Variants in THBS2 observed in about 807,000 individuals in gnomAD.
The protein encoded by THBS2 is thrombospondin 2, also known as thrombospondin-2.
A neutral mutation model predicts 135.2 loss-of-function variants in THBS2; 47 were observed. That is an observed-to-expected ratio of 0.35 (90% CI 0.28 to 0.44). The LOEUF (loss-of-function observed/expected upper bound fraction) is 0.44, where lower values mean the gene tolerates loss of function less well. Among genes scored for constraint, THBS2 ranks in the 20% least tolerant of loss-of-function variants. The pLI is 1.00. For synonymous variants in THBS2, 639 were observed against 633.8 expected (o/e 1.01, Z -0.12); for missense variants, 1,288 against 1,603.1 (o/e 0.80, Z 3.36).
chr6:169,225,005 C>A, intron 17 of THBS2, 140 bp downstream of exon 17: 1 of 799,032 alleles, frequency 1.3e-6, no homozygotes, highest in Non-Finnish European at 2.1e-6. Flanking sequence ...TTGCATGGAC[C>A]CACAGCTTTA....
At position 169,239,678 on chromosome 6, in the gene THBS2, G is replaced by A. The variant is rs1045718065; in HGVS notation, c.1050C>T (p.Cys350=). 1.2e-5 allele frequency: 19 copies of A among 1,599,946 alleles called. No individual in the cohort carries two copies. The highest frequency in any genetic ancestry group is 1.5e-5 in the Non-Finnish European group (18 of 1,173,662). Residue 350 remains cysteine (C), a synonymous_variant, in exon 7 of 22, where the codon TGC becomes TGT. Coordinates refer to ENST00000617924, the MANE Select transcript of THBS2 (RefSeq NM_003247.5). The part of the protein sequence containing the change: ...TCTCKKFKTI[C]HQITCPPATC... Reference sequence around the variant, plus strand: ...TTGCAGGCGGGCAGGTGATTTGGTGGCAAATGGTTTTAAATTTCTACAAGT... The same window carrying A: ...TTGCAGGCGGGCAGGTGATTTGGTGACAAATGGTTTTAAATTTCTACAAGT...
At chr6:169,222,629 T>C (rs1380117644) in intron 18 of THBS2, among the ~76,000 whole-genome samples, 161 bp from the exon 19 acceptor site, 1 of 151,992 alleles carries the variant, frequency 6.6e-6, no homozygotes, top group Non-Finnish European at 1.5e-5. Flanking sequence ...ACCTTGTCTC[T>C]ACTAAAAATG....
rs745686976 is a variant in THBS2, at chr6:169,241,948, G to A, written c.705C>T (p.Asn235=). The part of the protein sequence containing the change: ...GCQQGQGAEI[N]AISENTETLR... ...GCGTCTCTGTGTTCTCACTGATGGCGTTGATCTCAGCTGAGGGCAAGCGTA... is the reference window on the plus strand; with the variant it reads ...GCGTCTCTGTGTTCTCACTGATGGCATTGATCTCAGCTGAGGGCAAGCGTA... The change falls in exon 5 of 22, where the codon AAC becomes AAT. Residue 235 remains asparagine (N), a synonymous_variant. Transcript: ENST00000617924. The surrounding 1 kb of genome is among the most constrained non-coding windows in gnomAD (Gnocchi z 5.5). 46 of 1,609,062 alleles carry A rather than the reference G, an allele frequency of 2.9e-5. No homozygotes were observed. Among genetic ancestry groups the A allele is most frequent in the Middle Eastern group, 1.6e-4 (1 of 6,066 alleles).
Position 169,248,822 on chromosome 6 carries a change from T to C in THBS2, c.204A>G (p.Ala68=), listed in dbSNP as rs61730650. The C allele has an allele frequency of 1.5e-4, 236 of 1,610,976 alleles. No individual in the cohort carries two copies. The African/African-American group carries it at 2.7e-3, about 18-fold the overall frequency. Residue 68 remains alanine, a synonymous_variant, in exon 3 of 22, where the codon GCA becomes GCG. Transcript: ENST00000617924. ...VRFDYIPPVN[A]DDLSKITKIM... is the part of the protein sequence containing the mutation. ...TCTTGGTGATCTTGCTGAGGTCATC[T>C]GCGTTCACCGGTGGGATGTAGTCAA...
At chr6:169,248,305 T>C in intron 3 of THBS2, 112 bp downstream of exon 3, 3 of 1,308,586 alleles carry the variant, frequency 2.3e-6, no homozygotes, top group Non-Finnish European at 3.2e-6. Context: ...AGTGTGCTTC[T>C]CTAAGGCCAG....
rs1182180128 is a variant in THBS2, at chr6:169,232,106, C to T, written c.2025G>A (p.Met675Ile). 4.3e-6 allele frequency: 7 copies of T among 1,613,998 alleles called. No homozygotes were observed. In the South Asian group the frequency reaches 5.5e-5, roughly 13 times the overall value. Residue 675 changes from methionine to isoleucine, a missense_variant, in exon 13 of 22, where the codon ATG (methionine) becomes ATA (isoleucine). Physicochemically the swap from Met to Ile is conservative, Grantham distance 10. This residue lies in a region of THBS2 where 874 missense variants were observed against 1,156.1 expected (regional missense o/e 0.76). Coordinates refer to ENST00000617924, the MANE Select transcript of THBS2 (RefSeq NM_003247.5). ...CIYLGHFSDP[M>I]YKCECQTGYA... ...AGCCTGTCTGGCACTCGCACTTGTA[C>T]ATGGGGTCGCTGAAGTGGCCCAGGT...
chr6:169,232,936 G>C lies in THBS2; in HGVS notation c.1733C>G (p.Pro578Arg), dbSNP rs1461294692. Residue 578 changes from proline to arginine, a missense_variant, in exon 11 of 22, where the codon CCT becomes CGT. Transcript: ENST00000617924. ...PDGSWSCGSC[P>R]VGFLGNGTHC... is the part of the protein sequence containing the mutation. ...GGTGCCATTGCCCAAGAAGCCCACA[G>C]GGCAGGAGCCGCATGACCAGGACCC... 6.3e-7 allele frequency: 1 copy of C among 1,575,590 alleles called. No individual in the cohort carries two copies. The highest frequency in any genetic ancestry group is 2.3e-5 in the East Asian group (1 of 43,458).
chr6:169,246,863 T>C (rs1780570509), intron 3 of THBS2, among the ~76,000 whole-genome samples: 1 of 152,062 alleles, frequency 6.6e-6, no homozygotes, highest in East Asian at 1.9e-4. Flanking sequence ...CATGTACTTA[T>C]TTCCAAGGCC....
Position 169,217,612 on chromosome 6 carries a change from G to A in THBS2, c.*210C>T. 1 of 523,806 alleles carries A rather than the reference G, an allele frequency of 1.9e-6. No individual in the cohort carries two copies. The highest frequency in any genetic ancestry group is 3.4e-6 in the Non-Finnish European group (1 of 293,892). The allele number at this position is 523,806 out of a possible 1,614,324, so 32.4% of individuals were successfully genotyped here. On this transcript the variant is annotated 3_prime_UTR_variant, in exon 22 of 22. Coordinates refer to ENST00000617924, the MANE Select transcript of THBS2 (RefSeq NM_003247.5). The stretch of plus-strand genomic sequence containing the variant: ...ATCACCAAACTGGTTTCCTCTAGTG[G>A]GTTAGATGTTCATCTCTGAGTTCCA...
intron 14 of THBS2, 83 bp from the exon 15 acceptor site, chr6:169,228,364 C>T: frequency 6.7e-7 from 1 of 1,488,666 alleles, no homozygotes; most frequent in East Asian, 2.4e-5. Context: ...GTTATGTACT[C>T]AAGGTTGATG....
At chr6:169,243,859 A>C (rs1276943686) in intron 4 of THBS2, among the ~76,000 whole-genome samples, 1 of 152,256 alleles carries the variant, frequency 6.6e-6, no homozygotes, top group Non-Finnish European at 1.5e-5. Context: ...GTAAAATAAT[A>C]ATGGCTCAGC....
In THBS2 at chr6:169,241,822, G is replaced by C. The variant is rs1430051856; in HGVS notation, c.831C>G (p.Val277=). 5.0e-6 allele frequency: 8 copies of C among 1,612,698 alleles called. No individual in the cohort carries two copies. Among genetic ancestry groups the C allele is most frequent in the South Asian group, 2.2e-5 (2 of 91,078 alleles). The change falls in exon 5 of 22, where the codon GTC becomes GTG. Residue 277 remains valine, a synonymous_variant. Coordinates refer to ENST00000617924, the MANE Select transcript of THBS2 (RefSeq NM_003247.5). This position sits in a 1 kb window ranked among gnomAD's most constrained non-coding sequence, Gnocchi z 5.5. ...ERSCEELGNM[V]QELSGLHVLV... ...GGACGTGGAGCCCCGAGAGCTCCTG[G>C]ACCATGTTTCCCAGCTCCTCGCACG...
At chr6:169,240,212 G>T (rs1780240223) in intron 6 of THBS2, among the ~76,000 whole-genome samples, 1 of 152,168 alleles carries the variant, frequency 6.6e-6, no homozygotes, top group Admixed American at 6.5e-5. Flanking sequence ...TAACCAACTG[G>T]GGACGCTGGC....
chr6:169,235,823 T>TCAC (rs1780019537), intron 9 of THBS2, among the ~76,000 whole-genome samples: 2 of 95,286 alleles, frequency 2.1e-5, no homozygotes, highest in African/African-American at 4.3e-5. Context: ...CCACACTCAC[T>TCAC]TCCATCCACA....
intron 4 of THBS2, among the ~76,000 whole-genome samples, chr6:169,245,381 G>A (rs1413993563): frequency 1.3e-5 from 2 of 152,352 alleles, no homozygotes; most frequent in African/African-American, 4.8e-5. Context: ...ATATTGGAAA[G>A]TGTGCTTGGA....
chr6:169,239,344 C>T, intron 7 of THBS2: 2 of 528,870 alleles, frequency 3.8e-6, no homozygotes, highest in Non-Finnish European at 6.8e-6. Flanking sequence ...GACCACTGGG[C>T]TCAGCTTCCT....
In THBS2 at chr6:169,217,486, T is replaced by TAA. The variant is rs1779216974; in HGVS notation, c.*334_*335dup. 2 of 334,830 alleles carry TAA rather than the reference T, an allele frequency of 6.0e-6. No homozygotes were observed. Among genetic ancestry groups the TAA allele is most frequent in the Non-Finnish European group, 1.1e-5 (2 of 184,856 alleles). The allele number at this position is 334,830 out of a possible 1,614,324, so 20.7% of individuals were successfully genotyped here. A position where few individuals can be genotyped will look rare whatever the true frequency, so the allele number is the denominator to read the frequency against. On this transcript the variant is annotated 3_prime_UTR_variant, in exon 22 of 22. Coordinates refer to ENST00000617924, the MANE Select transcript of THBS2 (RefSeq NM_003247.5). ...CAACTCCATATACACATAAATACAA[T>TAA]AAGTAATTACATTTTATATGTAAAC...
rs1779216207 is a variant in THBS2, at chr6:169,217,470, A to G, written c.*352T>C. 7.0e-6 allele frequency: 2 copies of G among 286,042 alleles called. No individual in the cohort carries two copies. The highest frequency in any genetic ancestry group is 2.5e-4 in the South Asian group (2 of 8,146). The allele number at this position is 286,042 out of a possible 1,614,324, so 17.7% of individuals were successfully genotyped here. A position where few individuals can be genotyped will look rare whatever the true frequency, so the allele number is the denominator to read the frequency against. On this transcript the variant is annotated 3_prime_UTR_variant, in exon 22 of 22. Coordinates refer to ENST00000617924, the MANE Select transcript of THBS2 (RefSeq NM_003247.5). ...TGCACAGTATTCCCTTCAACTCCAT[A>G]TACACATAAATACAATAAGTAATTA...
chr6:169,237,230 C>T lies in THBS2; in HGVS notation c.1417G>A (p.Gly473Ser), dbSNP rs1247910182. 2 of 1,613,198 alleles carry T rather than the reference C, an allele frequency of 1.2e-6. No homozygotes were observed. The highest frequency in any genetic ancestry group is 1.7e-6 in the Non-Finnish European group (2 of 1,179,990). ...LCNSPVPQMG[G>S]KNCKGSGRET... ...CGGCCACTCCCTTTGCAATTCTTGC[C>T]CCCCATCTGGGGCACTGGGGAGTTG... The change falls in exon 9 of 22, where the codon GGC (glycine) becomes AGC (serine). Residue 473 changes from glycine to serine, a missense_variant. Around this residue, in one of 2 missense-constraint regions of THBS2, gnomAD observed 874 missense variants for 1,156.1 expected, o/e 0.76. Coordinates refer to ENST00000617924, the MANE Select transcript of THBS2 (RefSeq NM_003247.5).
Sources: gnomAD v4.1 joint callset for allele counts (sites outside exome capture counted in the v4.1 genomes callset) on GRCh38, gnomAD v4.1.1 for gene constraint, gnomAD v4.1.1 regional missense constraint, Gnocchi (gnomAD v3.1) non-coding constraint, MANE v1.5 for transcripts, NCBI Gene and HGNC (gene_info 2026-07-23, HGNC 2026-07-21) for gene names.